Variants in PHRF1 observed in about 807,000 individuals in gnomAD.
PHRF1 encodes PHD and ring finger domains 1.
Under a neutral mutation model 128.9 loss-of-function variants are expected in PHRF1, and 53 were observed. That is an observed-to-expected ratio of 0.41 (90% CI 0.33 to 0.52). The LOEUF (loss-of-function observed/expected upper bound fraction) is 0.52, where lower values mean the gene tolerates loss of function less well. PHRF1 is among the 20% of genes least tolerant of loss of function. The pLI, the probability that PHRF1 is intolerant of heterozygous loss-of-function variation, is 0.21. For missense variants in PHRF1, 2,503 were observed against 2,284.5 expected (o/e 1.10, Z -1.95); for synonymous variants, 1,178 against 980.6 (o/e 1.20, Z -3.76).
intron 2 of PHRF1, 114 bp downstream of exon 2, chr11:581,720 T>C (rs980862316): frequency 8.9e-7 from 1 of 1,129,716 alleles, no homozygotes; most frequent in South Asian, 1.6e-5. Flanking sequence ...AAAAAAATTA[T>C]GCTTTGATTT....
In PHRF1 at chr11:601,591, C is replaced by G; in HGVS notation, c.1042C>G (p.Pro348Ala). 1 of 1,613,682 alleles carries G rather than the reference C, an allele frequency of 6.2e-7. No individual in the cohort carries two copies. Among genetic ancestry groups the G allele is most frequent in the Non-Finnish European group, 8.5e-7 (1 of 1,179,864 alleles). Residue 348 changes from proline to alanine, a missense_variant, in exon 10 of 18, where the codon CCG becomes GCG. Physicochemically the swap from Pro to Ala is conservative, Grantham distance 27. Coordinates refer to ENST00000264555, the MANE Select transcript of PHRF1 (RefSeq NM_001286581.2). ...TTCCTTAGGAAGACGGAAGAAAGTG[C>G]CGGGAAGAAAGAAAACCCCGTCCGG... ...KRKTRRRKKV[P>A]GRKKTPSGPS... is the part of the protein sequence containing the mutation.
At position 606,447 on chromosome 11, in the gene PHRF1, G is replaced by T; in HGVS notation, c.1460G>T (p.Arg487Leu). 1 of 1,551,098 alleles carries T rather than the reference G, an allele frequency of 6.4e-7. No individual in the cohort carries two copies. The highest frequency in any genetic ancestry group is 2.4e-5 in the East Asian group (1 of 41,708). ...RPVSVGLSRR[R>L]LPAAVPEPDL... Reference sequence around the variant, plus strand: ...CCTTGGGTCTGTGCCCACAGGAGGCGCCTCCCTGCCGCGGTGCCAGAGCCA... The same window carrying T: ...CCTTGGGTCTGTGCCCACAGGAGGCTCCTCCCTGCCGCGGTGCCAGAGCCA... Residue 487 changes from arginine (R) to leucine (L), a missense_variant, in exon 13 of 18, where the codon CGC becomes CTC. Physicochemically the swap from Arg to Leu is moderately radical, Grantham distance 102 (BLOSUM62 -2). Coordinates refer to ENST00000264555, the MANE Select transcript of PHRF1 (RefSeq NM_001286581.2).
In PHRF1 at chr11:598,447, C is replaced by G. The variant is rs770348053; in HGVS notation, c.969C>G (p.Ala323=). Residue 323 remains alanine (A), a synonymous_variant, in exon 9 of 18, where the codon GCC becomes GCG. Coordinates refer to ENST00000264555, the MANE Select transcript of PHRF1 (RefSeq NM_001286581.2). ...IEAVATGLST[A]VYQRPLTPRT... ...CTGTGGCGACTGGCCTGAGCACTGC[C>G]GTGTATCAGCGCCCCCTGACGCCGC... is the stretch of plus-strand genomic sequence containing the variant. 1 of 1,611,080 alleles carries G rather than the reference C, an allele frequency of 6.2e-7. No homozygotes were observed. The highest frequency in any genetic ancestry group is 1.7e-5 in the Admixed American group (1 of 59,948).
chr11:611,104 G>A lies in PHRF1; in HGVS notation c.4806+22G>A, dbSNP rs199628151. On this transcript the variant is annotated intron_variant, in intron 17 of 17. Transcript: ENST00000264555. ...GAAGGTGGGCTGTGTGCGAGCCTGT[G>A]TGTGGGGCTCGGGGTCACGGGCGGT... The A allele has an allele frequency of 4.3e-6, 7 of 1,611,936 alleles. No individual in the cohort carries two copies. The African/African-American group carries it at 9.3e-5, about 21-fold the overall frequency.
intron 6 of PHRF1, among the ~76,000 whole-genome samples, chr11:593,415 G>A (rs1392355208): frequency 6.6e-6 from 1 of 152,282 alleles, no homozygotes; most frequent in Non-Finnish European, 1.5e-5. Context: ...CCGGAGCCAG[G>A]AGGCCTTGAC....
chr11:607,380 C>G lies in PHRF1; in HGVS notation c.1924C>G (p.Leu642Val), dbSNP rs1365741566. 1.2e-6 allele frequency: 2 copies of G among 1,612,710 alleles called. No homozygotes were observed. Among genetic ancestry groups the G allele is most frequent in the Admixed American group, 1.7e-5 (1 of 60,018 alleles). ...CGGCACCAACAAGCACACCTTGCCCCTTGCCTCTGCCGCGTCTAAGATCTC... is the reference window on the plus strand; with the variant it reads ...CGGCACCAACAAGCACACCTTGCCCGTTGCCTCTGCCGCGTCTAAGATCTC... The part of the protein sequence containing the change: ...FNGTNKHTLP[L>V]ASAASKISSR... Residue 642 changes from leucine to valine, a missense_variant, in exon 14 of 18, where the codon CTT (leucine) becomes GTT (valine). Transcript: ENST00000264555.
intron 1 of PHRF1, among the ~76,000 whole-genome samples, chr11:581,204 T>C (rs1355694407): frequency 1.3e-5 from 2 of 152,032 alleles, no homozygotes; most frequent in Non-Finnish European, 2.9e-5. Context: ...GCTCTGTAAA[T>C]GTGAATCATG....
At chr11:598,620 C>T in intron 9 of PHRF1, 118 bp downstream of exon 9, 1 of 1,412,696 alleles carries the variant, frequency 7.1e-7, no homozygotes, top group Non-Finnish European at 9.4e-7. Flanking sequence ...GCAAGTTAAT[C>T]TTCTCTGCTG....
At chr11:577,863 T>A (rs1853979543) in intron 1 of PHRF1, among the ~76,000 whole-genome samples, 1 of 152,242 alleles carries the variant, frequency 6.6e-6, no homozygotes, top group African/African-American at 2.4e-5. Flanking sequence ...ATGCATTGGT[T>A]CCCCTGAATT....
At chr11:590,583 T>C (rs1425086517) in intron 4 of PHRF1, among the ~76,000 whole-genome samples, 1 of 152,218 alleles carries the variant, frequency 6.6e-6, no homozygotes, top group Admixed American at 6.5e-5. Context: ...TTAAAATCAG[T>C]GTTTTCTTGT....
chr11:587,369 C>T lies in PHRF1; in HGVS notation c.325C>T (p.Pro109Ser). ...FNSDDDAESC[P>S]ICLNAFRDQA... ...TTCTGATGATGATGCAGAGAGCTGCCCAATCTGTCTCAACGCATTCAGAGA... is the reference window on the plus strand; with the variant it reads ...TTCTGATGATGATGCAGAGAGCTGCTCAATCTGTCTCAACGCATTCAGAGA... Residue 109 changes from proline (P) to serine (S), a missense_variant, in exon 4 of 18, where the codon CCA becomes TCA. Transcript: ENST00000264555. The T allele has an allele frequency of 6.2e-7, 1 of 1,613,858 alleles. No homozygotes were observed. The highest frequency in any genetic ancestry group is 8.5e-7 in the Non-Finnish European group (1 of 1,179,894).
In PHRF1 at chr11:607,692, G is replaced by A. The variant is rs1182461273; in HGVS notation, c.2236G>A (p.Gly746Ser). 1 of 1,610,088 alleles carries A rather than the reference G, an allele frequency of 6.2e-7. No homozygotes were observed. Among genetic ancestry groups the A allele is most frequent in the African/African-American group, 1.3e-5 (1 of 74,876 alleles). Residue 746 changes from glycine to serine, a missense_variant, in exon 14 of 18, where the codon GGC (glycine) becomes AGC (serine). By Grantham distance (56) the Gly-to-Ser change is moderately conservative. Transcript: ENST00000264555. The part of the protein sequence containing the change: ...RVPREPGVHT[G>S]SSRPPAPSSH... ...GCCCCGGGAGCCCGGGGTGCACACGGGCAGCTCCCGGCCCCCAGCCCCCAG... is the reference window on the plus strand; with the variant it reads ...GCCCCGGGAGCCCGGGGTGCACACGAGCAGCTCCCGGCCCCCAGCCCCCAG...
At chr11:600,102 A>G (rs1855539032) in intron 9 of PHRF1, among the ~76,000 whole-genome samples, 1 of 151,936 alleles carries the variant, frequency 6.6e-6, no homozygotes, top group African/African-American at 2.4e-5. Flanking sequence ...CGGCCTCCCA[A>G]AGTGCTGGGG....
chr11:610,805 T>C, intron 16 of PHRF1, 44 bp downstream of exon 16: 1 of 1,590,360 alleles, frequency 6.3e-7, no homozygotes, highest in Non-Finnish European at 8.5e-7. Flanking sequence ...CCCATCTTAC[T>C]TTGAAACTAA....
At position 591,476 on chromosome 11, in the gene PHRF1, G is replaced by A. The variant is rs1009781596; in HGVS notation, c.504+9G>A. The A allele has an allele frequency of 1.9e-6, 3 of 1,600,026 alleles. No individual in the cohort carries two copies. The highest frequency in any genetic ancestry group is 2.7e-5 in the African/African-American group (2 of 74,198). ...GTAAAATCTTAAGAAAGGTGAGTGT[G>A]GACGCTGCCGTGGAGGCCCCAGCCG... is the stretch of plus-strand genomic sequence containing the variant. On this transcript the variant is annotated intron_variant, in intron 5 of 17. Coordinates refer to ENST00000264555, the MANE Select transcript of PHRF1 (RefSeq NM_001286581.2).
At position 611,566 on chromosome 11, in the gene PHRF1, G is replaced by C. The variant is rs955690429; in HGVS notation, c.4807-68G>C. On this transcript the variant is annotated intron_variant, in intron 17 of 17. Coordinates refer to ENST00000264555, the MANE Select transcript of PHRF1 (RefSeq NM_001286581.2). ...AGGGCAGGCGAGGGAGCCCAGCTTT[G>C]GCCCTGGGCTCTGGCCCGGAACATC... 4 of 1,601,356 alleles carry C rather than the reference G, an allele frequency of 2.5e-6. No individual in the cohort carries two copies. In the South Asian group the frequency reaches 3.3e-5, roughly 13 times the overall value.
rs924938779 is a variant in PHRF1, at chr11:606,173, G to A, written c.1455-269G>A. Among the ~76,000 whole-genome samples the A allele has an allele frequency of 2.0e-5, 3 of 152,396 alleles. No homozygotes were observed. In the South Asian group the frequency reaches 6.2e-4, roughly 32 times the overall value. Reference sequence around the variant, plus strand: ...CCTCCCACCTGTTGGTGGAGTTGGGGGTGGCAAAGGCACCAGAGGTGACTT... The same window carrying A: ...CCTCCCACCTGTTGGTGGAGTTGGGAGTGGCAAAGGCACCAGAGGTGACTT... On this transcript the variant is annotated intron_variant, in intron 12 of 17. Transcript: ENST00000264555.
chr11:593,361 C>G (rs917075464), intron 6 of PHRF1, among the ~76,000 whole-genome samples: 1 of 152,274 alleles, frequency 6.6e-6, no homozygotes, highest in Non-Finnish European at 1.5e-5. Flanking sequence ...GGGGCCTTCT[C>G]TTGGGTGGGA....
rs748488156 is a variant in PHRF1 at position 597,598 on chromosome 11, G to A, written c.894+28G>A. On this transcript the variant is annotated intron_variant, in intron 8 of 17. Transcript: ENST00000264555. The surrounding 1 kb of genome is among the most constrained non-coding windows in gnomAD (Gnocchi z 6.5). ...GGGTGGCCCAGCCCTGACGCCAGTC[G>A]TAGAACCCCAGCTGCCCAGAGTGAT... 2.8e-5 allele frequency: 44 copies of A among 1,573,322 alleles called. No homozygotes were observed. Among genetic ancestry groups the A allele is most frequent in the Non-Finnish European group, 3.5e-5 (40 of 1,158,690 alleles).
Sources: allele counts gnomAD v4.1 joint callset (sites outside exome capture counted in the v4.1 genomes callset), GRCh38; gene constraint gnomAD v4.1.1; non-coding constraint Gnocchi (gnomAD v3.1); transcripts MANE v1.5; gene names NCBI Gene and HGNC (gene_info 2026-07-23, HGNC 2026-07-21).